TRAF6: variants seen among roughly 807,000 people sequenced by gnomAD.
The protein encoded by TRAF6 is TNF receptor associated factor 6, also known as TNF receptor-associated factor 6.
TRAF6 carries 10 observed loss-of-function variants against 48.4 expected under a neutral mutation model. The observed-to-expected ratio is 0.21, with a 90% CI of 0.13 to 0.35. The LOEUF is 0.35. Ranked by LOEUF, TRAF6 falls within the 10% of genes least tolerant of loss-of-function variation. The pLI is 1.00. For synonymous variants in TRAF6, 186 were observed against 219.6 expected, an observed-to-expected ratio of 0.85 and a Z score of 1.35; for missense variants, 397 against 661.0, an observed-to-expected ratio of 0.60 and a Z score of 4.38.
chr11:36,493,907 T>C (rs771673491), intron 5 of TRAF6, among the ~76,000 whole-genome samples: 1 of 152,208 alleles, frequency 6.6e-6, no homozygotes, highest in Non-Finnish European at 1.5e-5. Context: ...GTGACAGGTT[T>C]TGCTTGCTGC....
Position 36,490,299 on chromosome 11 carries a change from C to T in TRAF6, c.1108G>A (p.Glu370Lys). Residue 370 changes from glutamate (E) to lysine (K), a missense_variant, in exon 7 of 7, where the codon GAG (glutamate) becomes AAG (lysine). Physicochemically the swap from Glu to Lys is moderately conservative, Grantham distance 56. Coordinates refer to ENST00000526995, the MANE Select transcript of TRAF6 (RefSeq NM_004620.4). This position sits in a 1 kb window ranked among gnomAD's most constrained non-coding sequence, Gnocchi z 6.4. ...FGMHLKCQEE[E>K]KPVVIHSPGF... The stretch of plus-strand genomic sequence containing the variant: ...GGGCTATGAATCACAACAGGTTTCT[C>T]CTCTTCTTGACATTTCAAATGCATT... 1.2e-6 allele frequency: 2 copies of T among 1,614,194 alleles called. No homozygotes were observed. The highest frequency in any genetic ancestry group is 1.7e-6 in the Non-Finnish European group (2 of 1,180,042).
intron 1 of TRAF6, among the ~76,000 whole-genome samples, chr11:36,508,338 G>T (rs1425301588): frequency 6.6e-6 from 1 of 151,822 alleles, no homozygotes; most frequent in African/African-American, 2.4e-5. Flanking sequence ...GTTAACTACT[G>T]CTAACTTATT....
Position 36,497,198 on chromosome 11 carries a change from G to T in TRAF6, c.516C>A (p.Phe172Leu). 1 of 1,613,952 alleles carries T rather than the reference G, an allele frequency of 6.2e-7. No homozygotes were observed. The highest frequency in any genetic ancestry group is 8.5e-7 in the Non-Finnish European group (1 of 1,179,958). Residue 172 changes from phenylalanine to leucine, a missense_variant, in exon 4 of 7, where the codon TTC becomes TTA. Phe to Leu is a conservative substitution (Grantham distance 22). This residue lies in a region of TRAF6 where 245 missense variants were observed against 349.1 expected (regional missense o/e 0.70). Coordinates refer to ENST00000526995, the MANE Select transcript of TRAF6 (RefSeq NM_004620.4). ...CPQCQRPFQK[F>L]HINIHILKDC... ...CCTTCAGAATGTGAATATTAATATG[G>T]AATTTTTGGAAGGGACGCTGGCATT...
chr11:36,506,011 T>C (rs1043760503), intron 1 of TRAF6, among the ~76,000 whole-genome samples: 13 of 151,994 alleles, frequency 8.6e-5, no homozygotes, highest in African/African-American at 1.4e-4. Flanking sequence ...ACAGACATAA[T>C]AAAGTTTAAA....
chr11:36,490,039 C>T lies in TRAF6; in HGVS notation c.1368G>A (p.Leu456=), dbSNP rs201566682. 8.1e-6 allele frequency: 13 copies of T among 1,614,182 alleles called. No individual in the cohort carries two copies. In the East Asian group the frequency reaches 1.8e-4, roughly 22 times the overall value. Reference sequence around the variant, plus strand: ...GGATTGTGGGTCGCTGGAAAGCAAGCAGCTCTGGTTTGGCATCCATTATCT... The same window carrying T: ...GGATTGTGGGTCGCTGGAAAGCAAGTAGCTCTGGTTTGGCATCCATTATCT... The part of the protein sequence containing the change: ...HEEIMDAKPE[L]LAFQRPTIPR... The change falls in exon 7 of 7, where the codon CTG becomes CTA. Residue 456 remains leucine (L), a synonymous_variant. Coordinates refer to ENST00000526995, the MANE Select transcript of TRAF6 (RefSeq NM_004620.4). This position sits in a 1 kb window ranked among gnomAD's most constrained non-coding sequence, Gnocchi z 6.4.
chr11:36,485,910 A>T lies in TRAF6; in HGVS notation c.*3928T>A, dbSNP rs1029214214. Among the ~76,000 whole-genome samples, 1 of 152,178 alleles carries T rather than the reference A, an allele frequency of 6.6e-6. No homozygotes were observed. The highest frequency in any genetic ancestry group is 2.1e-4 in the South Asian group (1 of 4,834). ...AACTAACTTACAGTCCATCATGTCAATCTGGGAGTTTAGAAAAAGCACACT... is the reference window on the plus strand; with the variant it reads ...AACTAACTTACAGTCCATCATGTCATTCTGGGAGTTTAGAAAAAGCACACT... On this transcript the variant is annotated 3_prime_UTR_variant, in exon 7 of 7. Transcript: ENST00000526995.
chr11:36,502,360 G>A (rs1380346118), intron 1 of TRAF6, among the ~76,000 whole-genome samples: 2 of 152,312 alleles, frequency 1.3e-5, no homozygotes, highest in Non-Finnish European at 2.9e-5. Context: ...TTGGTTTCAT[G>A]AGCAGATGAG....
chr11:36,505,634 C>T (rs1308036022), intron 1 of TRAF6, among the ~76,000 whole-genome samples: 1 of 152,156 alleles, frequency 6.6e-6, no homozygotes, highest in Middle Eastern at 3.2e-3. Flanking sequence ...CTTTTAATTT[C>T]CTTCAAAAAC....
chr11:36,484,116 G>A lies in TRAF6; in HGVS notation c.*5722C>T, dbSNP rs1046374512. Reference sequence around the variant, plus strand: ...AGCAATTCAGTTGTATTGACCTGATGGAGGCCATCCGAGGTTTCACTGCCA... The same window carrying A: ...AGCAATTCAGTTGTATTGACCTGATAGAGGCCATCCGAGGTTTCACTGCCA... On this transcript the variant is annotated 3_prime_UTR_variant, in exon 7 of 7. Transcript: ENST00000526995. Among the ~76,000 whole-genome samples the A allele has an allele frequency of 7.9e-5, 12 of 152,176 alleles. No homozygotes were observed. Among genetic ancestry groups the A allele is most frequent in the Non-Finnish European group, 1.5e-5 (1 of 68,040 alleles).
At chr11:36,501,666 T>C in intron 1 of TRAF6, 129 bp from the exon 2 acceptor site, 1 of 668,968 alleles carries the variant, frequency 1.5e-6, no homozygotes, top group Non-Finnish European at 2.2e-6. Flanking sequence ...TAATGTTATT[T>C]ACAGAAAACT....
chr11:36,500,503 A>G (rs560112415), intron 2 of TRAF6, among the ~76,000 whole-genome samples: 1 of 152,324 alleles, frequency 6.6e-6, no homozygotes, highest in Admixed American at 6.5e-5. Context: ...ACAGGGTCTT[A>G]TAAGGATTTT....
intron 3 of TRAF6, 31 bp downstream of exon 3, chr11:36,498,459 T>C (rs921454914): frequency 3.8e-6 from 6 of 1,590,240 alleles, no homozygotes; most frequent in Non-Finnish European, 5.1e-6. Context: ...CTTTTATACA[T>C]GTGCTAACAG....
rs1353073718 is a variant in TRAF6, at chr11:36,493,821, A to G, written c.678+1155T>C. Reference sequence around the variant, plus strand: ...AGCAAAAGATGTTTAACACCTTCAAATTAAGGCTTTGTTGGAAAAATTAAG... The same window carrying G: ...AGCAAAAGATGTTTAACACCTTCAAGTTAAGGCTTTGTTGGAAAAATTAAG... On this transcript the variant is annotated intron_variant, in intron 5 of 6. Transcript: ENST00000526995. Among the ~76,000 whole-genome samples, 3 of 152,238 alleles carry G rather than the reference A, an allele frequency of 2.0e-5. No individual in the cohort carries two copies. The East Asian group carries it at 5.8e-4, about 29-fold the overall frequency.
At chr11:36,500,593 C>T (rs369721721) in intron 2 of TRAF6, among the ~76,000 whole-genome samples, 11 of 152,276 alleles carry the variant, frequency 7.2e-5, no homozygotes, top group African/African-American at 2.4e-4. Flanking sequence ...GGTCCACTCC[C>T]GCTGCTGTAT....
rs1486221751 is a variant in TRAF6 at position 36,485,152 on chromosome 11, T to A, written c.*4686A>T. ...GATTCTAGGTCGTAGATGTTCACTA[T>A]ACAAGTCTTTCAACATTTCTGCATG... On this transcript the variant is annotated 3_prime_UTR_variant, in exon 7 of 7. Transcript: ENST00000526995. Among the ~76,000 whole-genome samples the A allele has an allele frequency of 1.3e-5, 2 of 152,164 alleles. No homozygotes were observed. Among genetic ancestry groups the A allele is most frequent in the African/African-American group, 4.8e-5 (2 of 41,390 alleles).
Position 36,504,070 on chromosome 11 carries a change from C to T in TRAF6, c.-22-2533G>A, listed in dbSNP as rs117697580. 1.2e-3 allele frequency among the ~76,000 whole-genome samples: 182 copies of T among 152,274 alleles called. 2 individuals are homozygous for T. The East Asian group carries it at 0.025, about 21-fold the overall frequency. ...AAAAAATGCTAGCGATCATCTGAGC[C>T]TTCAGCGAGCTATAATATTTTTTGC... On this transcript the variant is annotated intron_variant, in intron 1 of 6. Transcript: ENST00000526995.
rs897315097 is a variant in TRAF6, at chr11:36,487,685, TTGCTAAAAGC to T, written c.*2143_*2152del. 35 of 152,192 alleles carry T rather than the reference TTGCTAAAAGC, an allele frequency of 2.3e-4. No individual in the cohort carries two copies. The highest frequency in any genetic ancestry group is 8.0e-4 in the African/African-American group (33 of 41,452). 9.4% of individuals were successfully genotyped at this position (152,192 alleles called of 1,614,324 possible). On this transcript the variant is annotated 3_prime_UTR_variant, in exon 7 of 7. Transcript: ENST00000526995. ...CCAAATCATTTTACAGATGGGAAGC[TTGCTAAAAGC>T]TGAAATTAGGCAAAACAACTTTTTT... is the stretch of plus-strand genomic sequence containing the variant.
intron 6 of TRAF6, among the ~76,000 whole-genome samples, chr11:36,491,964 T>C (rs1667180527): frequency 6.6e-6 from 1 of 152,210 alleles, no homozygotes; most frequent in South Asian, 2.1e-4. Flanking sequence ...GTGTTCACTC[T>C]TTTTTGCCGA....
chr11:36,509,399 G>A (rs1227496559), intron 1 of TRAF6, among the ~76,000 whole-genome samples: 1 of 151,818 alleles, frequency 6.6e-6, no homozygotes, highest in African/African-American at 2.4e-5. Context: ...TAGGGGCGGG[G>A]GAGAAAACAT....
Sources: gnomAD v4.1 joint callset for allele counts (sites outside exome capture counted in the v4.1 genomes callset) on GRCh38, gnomAD v4.1.1 for gene constraint, gnomAD v4.1.1 regional missense constraint, Gnocchi (gnomAD v3.1) non-coding constraint, MANE v1.5 for transcripts, NCBI Gene and HGNC (gene_info 2026-07-23, HGNC 2026-07-21) for gene names.